Variants in ANKDD1A observed in about 807,000 individuals in gnomAD.
ANKDD1A encodes ankyrin repeat and death domain-containing protein 1A.
In ANKDD1A, 59 loss-of-function variants were observed where a neutral mutation model predicts 63.5. The observed-to-expected ratio is 0.93, with a 90% CI of 0.75 to 1.15. The LOEUF (loss-of-function observed/expected upper bound fraction) is 1.15. ANKDD1A is among the 50% of genes most tolerant of loss of function. The pLI is 0.00. For missense variants in ANKDD1A, 632 were observed against 656.4 expected (o/e 0.96, Z 0.41); for synonymous variants, 266 against 263.9 (o/e 1.01, Z -0.08).
At chr15:64,949,574 T>C (rs1321586209) in intron 13 of ANKDD1A, among the ~76,000 whole-genome samples, 1 of 152,184 alleles carries the variant, frequency 6.6e-6, no homozygotes, top group Non-Finnish European at 1.5e-5. Context: ...GCATAGTGGG[T>C]GTTCAGGAGA....
At chr15:64,953,906 CTCTTCTT>C (rs2085365392) in intron 14 of ANKDD1A, among the ~76,000 whole-genome samples, 2 of 139,662 alleles carry the variant, frequency 1.4e-5, no homozygotes, top group East Asian at 2.1e-4. Context: ...TCTTTCTTCC[CTCTTCTT>C]TCTTCTCTTT....
intron 2 of ANKDD1A, among the ~76,000 whole-genome samples, chr15:64,916,717 C>G (rs1167513554): frequency 6.6e-6 from 1 of 152,204 alleles, no homozygotes; most frequent in African/African-American, 2.4e-5. Context: ...GAAGGAGCAG[C>G]TGGGCTCCAG....
intron 11 of ANKDD1A, among the ~76,000 whole-genome samples, chr15:64,944,307 C>G (rs2085207194): frequency 6.6e-6 from 1 of 152,200 alleles, no homozygotes; most frequent in Non-Finnish European, 1.5e-5. Context: ...CCCAAGCCCC[C>G]ATCTCTGGGC....
At chr15:64,942,671 AC>A in intron 10 of ANKDD1A, 106 bp downstream of exon 10, 21 of 529,186 alleles carry the variant, frequency 4.0e-5, no homozygotes, top group Non-Finnish European at 5.5e-5. Flanking sequence ...TTGAGGAATC[AC>A]TTTTTTTTTT....
Position 64,949,970 on chromosome 15 carries a change from C to G in ANKDD1A, c.1481C>G (p.Ala494Gly). 6.2e-7 allele frequency: 1 copy of G among 1,609,250 alleles called. No individual in the cohort carries two copies. The highest frequency in any genetic ancestry group is 8.5e-7 in the Non-Finnish European group (1 of 1,179,900). ...GTGGCCATTGGCAGGAGGGACCTGG[C>G]TGGTAAGAGCGTACTCTGCTGGGCT... ...GLVAIGRRDLAGWSTMARSQL... is the reference protein window; with the variant it reads ...GLVAIGRRDLGGWSTMARSQL... Residue 494 changes from alanine to glycine, a missense_variant and splice_region_variant, in exon 14 of 15, where the codon GCT becomes GGT. Transcript: ENST00000319580.
chr15:64,937,012 C>G (rs1204424856), intron 9 of ANKDD1A, among the ~76,000 whole-genome samples: 1 of 152,144 alleles, frequency 6.6e-6, no homozygotes, highest in Non-Finnish European at 1.5e-5. Context: ...ATTCTTCACT[C>G]ATTAGGTTGG....
chr15:64,913,613 T>A (rs2084948336), intron 1 of ANKDD1A, among the ~76,000 whole-genome samples: 1 of 152,202 alleles, frequency 6.6e-6, no homozygotes, highest in Admixed American at 6.5e-5. Context: ...GGGTAGCAAC[T>A]CTGAGATCCA....
At chr15:64,950,620 T>G in intron 14 of ANKDD1A, 3 of 985,324 alleles carry the variant, frequency 3.0e-6, no homozygotes, top group Non-Finnish European at 3.6e-6. Flanking sequence ...CTGATAGTTG[T>G]GAAGTCTCCA....
chr15:64,950,046 G>A, intron 14 of ANKDD1A, 74 bp downstream of exon 14: 1 of 1,574,840 alleles, frequency 6.3e-7, no homozygotes, highest in Non-Finnish European at 8.6e-7. Context: ...GGCCCTCCAA[G>A]GGCTGCTCAG....
At position 64,917,435 on chromosome 15, in the gene ANKDD1A, C is replaced by A. The variant is rs2140364540; in HGVS notation, c.188C>A (p.Ala63Asp). 2 of 1,610,496 alleles carry A rather than the reference C, an allele frequency of 1.2e-6. No individual in the cohort carries two copies. The highest frequency in any genetic ancestry group is 1.7e-6 in the Non-Finnish European group (2 of 1,179,026). The change falls in exon 3 of 15, where the codon GCT (alanine) becomes GAT (aspartate). Residue 63 changes from alanine (A) to aspartate (D), a missense_variant. Ala to Asp is a moderately radical substitution (Grantham distance 126). Transcript: ENST00000319580. ...HWAAGAGHEQ[A>D]VRLLLEHEAA... is the part of the protein sequence containing the mutation. The stretch of plus-strand genomic sequence containing the variant: ...GCTGCAGGTGCAGGGCACGAGCAGG[C>A]TGTGCGTCTGCTTCTGGAGCACGAG...
intron 1 of ANKDD1A, among the ~76,000 whole-genome samples, chr15:64,914,344 AG>A (rs1485837323): frequency 6.6e-6 from 1 of 152,158 alleles, no homozygotes; most frequent in Non-Finnish European, 1.5e-5. Flanking sequence ...TGGAGTGCAG[AG>A]GTGCAATTAT....
intron 14 of ANKDD1A, among the ~76,000 whole-genome samples, chr15:64,954,262 CTTCT>C (rs2085378902): frequency 2.1e-5 from 3 of 144,122 alleles, no homozygotes; most frequent in South Asian, 4.3e-4. Context: ...TCTTCTTCTC[CTTCT>C]TTTCCTTTCT....
chr15:64,917,537 G>GTC, intron 3 of ANKDD1A, 23 bp downstream of exon 3: 1 of 1,549,794 alleles, frequency 6.5e-7, no homozygotes, highest in Non-Finnish European at 8.7e-7. Context: ...CTGTCTGTCT[G>GTC]TCTCAGGGTG....
intron 14 of ANKDD1A, among the ~76,000 whole-genome samples, chr15:64,954,077 TTTCTTC>T (rs150846909): frequency 9.3e-5 from 11 of 117,660 alleles, no homozygotes; most frequent in Non-Finnish European, 1.3e-4. Context: ...TTCTTCCTCT[TTTCTTC>T]TTCTTTCTCC....
chr15:64,922,292 G>T, intron 4 of ANKDD1A: 1 of 431,088 alleles, frequency 2.3e-6, no homozygotes, highest in South Asian at 2.7e-5. Context: ...AAGGAGGTGA[G>T]GTCTCCTCCA....
intron 9 of ANKDD1A, among the ~76,000 whole-genome samples, chr15:64,936,015 C>A (rs781644057): frequency 2.0e-5 from 3 of 152,126 alleles, no homozygotes; most frequent in Non-Finnish European, 4.4e-5. Flanking sequence ...GGGCAAGCTG[C>A]TTTGACCTAT....
At chr15:64,952,269 T>A (rs2085303023) in intron 14 of ANKDD1A, among the ~76,000 whole-genome samples, 1 of 147,174 alleles carries the variant, frequency 6.8e-6, no homozygotes, top group Non-Finnish European at 1.5e-5. Flanking sequence ...TCCTTCTCCT[T>A]CTTTTTCTTC....
intron 9 of ANKDD1A, among the ~76,000 whole-genome samples, chr15:64,939,486 G>C (rs994191211): frequency 6.6e-6 from 1 of 152,080 alleles, no homozygotes; most frequent in Non-Finnish European, 1.5e-5. Flanking sequence ...CTGGAGGCAC[G>C]TGCCTGTAGT....
chr15:64,944,203 T>C lies in ANKDD1A; in HGVS notation c.1066-449T>C, dbSNP rs543034229. ...GCCAGATGTGAAGGGGAGCTTCCCATCTCACTGCAGGTCTGTGGAGGTAAC... is the reference window on the plus strand; with the variant it reads ...GCCAGATGTGAAGGGGAGCTTCCCACCTCACTGCAGGTCTGTGGAGGTAAC... On this transcript the variant is annotated intron_variant, in intron 11 of 14. Coordinates refer to ENST00000319580, the MANE Select transcript of ANKDD1A (RefSeq NM_182703.6). Among the ~76,000 whole-genome samples the C allele has an allele frequency of 2.0e-5, 3 of 152,288 alleles. No individual in the cohort carries two copies. The South Asian group carries it at 6.2e-4, about 32-fold the overall frequency.
Sources: allele counts gnomAD v4.1 joint callset (sites outside exome capture counted in the v4.1 genomes callset), GRCh38; gene constraint gnomAD v4.1.1; transcripts MANE v1.5; gene names NCBI Gene and HGNC (gene_info 2026-07-23, HGNC 2026-07-21).